Variants in CCDC149 observed in about 807,000 individuals in gnomAD.
The protein encoded by CCDC149 is coiled-coil domain-containing protein 149.
Under a neutral mutation model 59.9 loss-of-function variants are expected in CCDC149, and 45 were observed. That is an observed-to-expected ratio of 0.75 (90% CI 0.59 to 0.96). CCDC149 has a LOEUF of 0.96. Ranked by LOEUF, CCDC149 falls within the 40% of genes least tolerant of loss-of-function variation. CCDC149 has a pLI of 0.00. For missense variants in CCDC149, 584 were observed against 664.7 expected (o/e 0.88, Z 1.33); for synonymous variants, 245 against 260.6 (o/e 0.94, Z 0.58).
chr4:24,914,385 GAAAAAA>G (rs201825269), upstream of CCDC149, among the ~76,000 whole-genome samples: 2 of 120,234 alleles, frequency 1.7e-5, no homozygotes, highest in Middle Eastern at 3.9e-3. Context: ...TGTGTTACCA[GAAAAAA>G]AAAAAAAAAA....
At chr4:24,951,128 TG>T (rs747436810) in intron 1 of CCDC149, among the ~76,000 whole-genome samples, 36 of 152,228 alleles carry the variant, frequency 2.4e-4, no homozygotes, top group Non-Finnish European at 4.1e-4. Flanking sequence ...GTGGGTTCCG[TG>T]GGTGCCCAGG....
intron 4 of CCDC149, among the ~76,000 whole-genome samples, chr4:24,849,967 C>G (rs997681412): frequency 2.6e-5 from 4 of 152,220 alleles, no homozygotes; most frequent in Admixed American, 6.5e-5. Context: ...ACCCTCTGCT[C>G]TCTCCACAGA....
chr4:24,893,828 A>ACTC (rs371390896), intron 1 of CCDC149, among the ~76,000 whole-genome samples: 37 of 151,142 alleles, frequency 2.4e-4, no homozygotes, highest in African/African-American at 8.2e-4. Context: ...CTGGTCTCAA[A>ACTC]CTCCTGACCT....
intron 3 of CCDC149, among the ~76,000 whole-genome samples, chr4:24,873,345 T>A (rs1719179470): frequency 1.3e-5 from 2 of 152,252 alleles, no homozygotes; most frequent in Non-Finnish European, 2.9e-5. Context: ...CAGAACAGTA[T>A]GCACCCAACA....
chr4:24,951,299 G>A (rs537172870), intron 1 of CCDC149, among the ~76,000 whole-genome samples: 6 of 152,228 alleles, frequency 3.9e-5, no homozygotes, highest in Non-Finnish European at 7.3e-5. Context: ...ATTTTTGGAA[G>A]CTTTTAAACT....
chr4:24,941,642 G>A (rs200282220), intron 1 of CCDC149, among the ~76,000 whole-genome samples: 69,390 of 151,472 alleles, frequency 0.46, 18,825 homozygotes, highest in African/African-American at 0.77. Flanking sequence ...AAATTGATAG[G>A]CCACTAGCAA....
chr4:24,970,621 C>A (rs771148635), intron 1 of CCDC149, among the ~76,000 whole-genome samples: 2 of 152,150 alleles, frequency 1.3e-5, no homozygotes, highest in Non-Finnish European at 2.9e-5. Flanking sequence ...GGTGGTGGAA[C>A]AAGAAGCCCC....
intron 1 of CCDC149, among the ~76,000 whole-genome samples, chr4:24,912,344 G>T (rs1721923135): frequency 6.6e-6 from 1 of 152,038 alleles, no homozygotes; most frequent in African/African-American, 2.4e-5. Context: ...CGGCTGCAGC[G>T]GACCCCCGAA....
At chr4:24,894,788 C>CA (rs1404928489) in intron 1 of CCDC149, among the ~76,000 whole-genome samples, 1 of 151,482 alleles carries the variant, frequency 6.6e-6, no homozygotes, top group Non-Finnish European at 1.5e-5. Flanking sequence ...CATGTATATT[C>CA]AAAAAAACTA....
chr4:24,853,344 T>C (rs1309989760), intron 3 of CCDC149, 165 bp from the exon 4 acceptor site: 2 of 611,936 alleles, frequency 3.3e-6, no homozygotes, highest in South Asian at 2.0e-5. Context: ...ATCACACCAC[T>C]ACAATGGCAC....
At chr4:24,812,337 G>T (rs1182153950) in intron 12 of CCDC149, among the ~76,000 whole-genome samples, 1 of 152,174 alleles carries the variant, frequency 6.6e-6, no homozygotes, top group Admixed American at 6.5e-5. Flanking sequence ...TCTGCCATCT[G>T]TTTCTCTTCA....
chr4:24,871,184 C>T (rs558102869), intron 3 of CCDC149, among the ~76,000 whole-genome samples: 6 of 149,954 alleles, frequency 4.0e-5, no homozygotes, highest in African/African-American at 9.8e-5. Context: ...TATAAGTAAG[C>T]GTGCTGAATG....
chr4:24,867,821 CAGG>C (rs994280207), intron 3 of CCDC149, among the ~76,000 whole-genome samples: 1 of 152,234 alleles, frequency 6.6e-6, no homozygotes, highest in African/African-American at 2.4e-5. Context: ...CTGAAACAAA[CAGG>C]AGAAGAGCCC....
intron 1 of CCDC149, among the ~76,000 whole-genome samples, chr4:24,971,197 G>T (rs990490207): frequency 6.6e-6 from 1 of 152,198 alleles, no homozygotes; most frequent in East Asian, 1.9e-4. Context: ...GGCATCTCTA[G>T]GCTCTGGCCT....
At chr4:24,825,317 T>C (rs1191606819) in intron 9 of CCDC149, among the ~76,000 whole-genome samples, 2 of 152,206 alleles carry the variant, frequency 1.3e-5, no homozygotes, top group East Asian at 1.9e-4. Flanking sequence ...TCACTTGCTC[T>C]ATACTAGGCA....
chr4:24,819,257 A>G (rs1715205675), intron 12 of CCDC149, among the ~76,000 whole-genome samples: 1 of 152,220 alleles, frequency 6.6e-6, no homozygotes, highest in African/African-American at 2.4e-5. Flanking sequence ...CTCCAGCCCA[A>G]GTTCTCATAG....
At position 24,820,019 on chromosome 4, in the gene CCDC149, G is replaced by T. The variant is rs1715280921; in HGVS notation, c.1076-44C>A. On this transcript the variant is annotated intron_variant, in intron 11 of 12. Coordinates refer to ENST00000635206, the MANE Select transcript of CCDC149 (RefSeq NM_001330643.2). Reference sequence around the variant, plus strand: ...AAATGGATGTCTTATATCATCAGTGGAGTTGGGTTGCATTTAGTCCCACAC... The same window carrying T: ...AAATGGATGTCTTATATCATCAGTGTAGTTGGGTTGCATTTAGTCCCACAC... 3 of 1,426,320 alleles carry T rather than the reference G, an allele frequency of 2.1e-6. No individual in the cohort carries two copies. In the South Asian group the frequency reaches 3.9e-5, roughly 18 times the overall value. 88.4% of individuals were successfully genotyped at this position (1,426,320 alleles called of 1,614,324 possible).
intron 1 of CCDC149, among the ~76,000 whole-genome samples, chr4:24,957,540 A>C (rs192323690): frequency 2.0e-5 from 3 of 152,192 alleles, no homozygotes; most frequent in African/African-American, 7.2e-5. Context: ...CTGGTTGTCT[A>C]TTTTCCATGG....
chr4:24,953,269 A>C (rs2109356451), intron 1 of CCDC149, among the ~76,000 whole-genome samples: 1 of 152,198 alleles, frequency 6.6e-6, no homozygotes, highest in African/African-American at 2.4e-5. Context: ...CTTTTTGCCC[A>C]CCCTGGCTCT....
Sources: gnomAD v4.1 joint callset for allele counts (sites outside exome capture counted in the v4.1 genomes callset) on GRCh38, gnomAD v4.1.1 for gene constraint, MANE v1.5 for transcripts, NCBI Gene and HGNC (gene_info 2026-07-23, HGNC 2026-07-21) for gene names.